Variants in PTPRD observed in about 807,000 individuals in gnomAD.
PTPRD encodes receptor-type tyrosine-protein phosphatase delta.
Under a neutral mutation model 214.5 loss-of-function variants are expected in PTPRD, and 34 were observed. That is an observed-to-expected ratio of 0.16 (90% CI 0.12 to 0.21). PTPRD has a LOEUF of 0.21. Ranked by LOEUF, PTPRD falls within the 10% of genes least tolerant of loss-of-function variation. The probability of loss-of-function intolerance (pLI) is 1.00; values close to 1 mark genes in which losing one functional copy is unlikely to be tolerated. For synonymous variants in PTPRD, 1,128 were observed against 845.7 expected (o/e 1.33, Z -5.79); for missense variants, 2,545 against 2,398.7 (o/e 1.06, Z -1.27).
chr9:9,982,481 TGTG>T, intron 4 of PTPRD, among the ~76,000 whole-genome samples: 1 of 13,788 alleles, frequency 7.3e-5, no homozygotes, highest in African/African-American at 1.8e-4. Context: ...TGGTGGTGTG[TGTG>T]TGTGTGTGTG....
At chr9:9,186,952 A>G (rs891843710) in intron 9 of PTPRD, among the ~76,000 whole-genome samples, 5 of 151,834 alleles carry the variant, frequency 3.3e-5, no homozygotes, top group Admixed American at 2.6e-4. Flanking sequence ...CTTCTGTTAT[A>G]AACTGAAATT....
At chr9:9,085,585 A>T (rs1349607052) in intron 10 of PTPRD, among the ~76,000 whole-genome samples, 1 of 151,926 alleles carries the variant, frequency 6.6e-6, no homozygotes, top group African/African-American at 2.4e-5. Context: ...AAATGGTCAC[A>T]TTAGCACTTA....
chr9:9,032,619 A>T (rs199934220), intron 10 of PTPRD, among the ~76,000 whole-genome samples: 1 of 438 alleles, frequency 2.3e-3, no homozygotes, highest in Non-Finnish European at 0.17. Flanking sequence ...TTGGTGCTAG[A>T]AAAAAAAAAT....
intron 11 of PTPRD, among the ~76,000 whole-genome samples, chr9:9,017,195 T>G (rs976403917): frequency 6.6e-6 from 1 of 152,110 alleles, no homozygotes; most frequent in Non-Finnish European, 1.5e-5. Context: ...GCAACAACCA[T>G]AAACGAACAA....
intron 11 of PTPRD, among the ~76,000 whole-genome samples, chr9:8,738,210 C>T (rs10122645): frequency 0.073 from 11,118 of 152,116 alleles, 1,085 homozygotes; most frequent in African/African-American, 0.23. Flanking sequence ...CAACAAAGAG[C>T]GCACTTGCCT....
At chr9:10,490,976 C>A (rs2040011814) in intron 2 of PTPRD, among the ~76,000 whole-genome samples, 1 of 152,116 alleles carries the variant, frequency 6.6e-6, no homozygotes, top group African/African-American at 2.4e-5. Flanking sequence ...CACATAATCA[C>A]TAGATTTACA....
intron 3 of PTPRD, among the ~76,000 whole-genome samples, chr9:10,235,429 G>A (rs1301817643): frequency 6.6e-6 from 1 of 151,962 alleles, no homozygotes; most frequent in Non-Finnish European, 1.5e-5. Context: ...ACGCTAAAGA[G>A]TATAGCTAGC....
chr9:9,331,113 C>T (rs1336450304), intron 9 of PTPRD, among the ~76,000 whole-genome samples: 1 of 151,992 alleles, frequency 6.6e-6, no homozygotes, highest in Non-Finnish European at 1.5e-5. Flanking sequence ...GAGACAGTTT[C>T]AAGGACTAGC....
At chr9:8,354,572 T>G (rs1308095085) in intron 39 of PTPRD, among the ~76,000 whole-genome samples, 5 of 152,240 alleles carry the variant, frequency 3.3e-5, no homozygotes, top group Non-Finnish European at 7.3e-5. Flanking sequence ...TTGGAGCATC[T>G]GGGCCTTTGA....
chr9:8,874,640 A>T lies in PTPRD; in HGVS notation c.-103-140694T>A, dbSNP rs72614089. On this transcript the variant is annotated intron_variant, in intron 11 of 45. Coordinates refer to ENST00000381196, the MANE Select transcript of PTPRD (RefSeq NM_002839.4). The stretch of plus-strand genomic sequence containing the variant: ...TCTCTTCCCTAATTTATCATAATGG[A>T]AATTGCATTGGAGTTGAGAGAACAT... Among the ~76,000 whole-genome samples, 220 of 152,310 alleles carry T rather than the reference A, an allele frequency of 1.4e-3. 6 individuals carry two copies. In the East Asian group the frequency reaches 0.035, roughly 24 times the overall value.
At chr9:10,513,733 T>C (rs2049056781) in intron 2 of PTPRD, among the ~76,000 whole-genome samples, 1 of 152,152 alleles carries the variant, frequency 6.6e-6, no homozygotes, top group Admixed American at 6.6e-5. Context: ...TATCTCACTG[T>C]GGCAGTAGTC....
intron 9 of PTPRD, among the ~76,000 whole-genome samples, chr9:9,215,082 G>T (rs1432957070): frequency 2.0e-5 from 3 of 152,144 alleles, no homozygotes; most frequent in Non-Finnish European, 4.4e-5. Context: ...TTCCAGTGCA[G>T]GATCAGTTTG....
At chr9:10,026,627 G>C (rs537913286) in intron 4 of PTPRD, among the ~76,000 whole-genome samples, 69 of 152,128 alleles carry the variant, frequency 4.5e-4, no homozygotes, top group Admixed American at 6.5e-4. Context: ...CCATCACAAG[G>C]GGGCATTGTT....
At position 8,974,860 on chromosome 9, in the gene PTPRD, G is replaced by A. The variant is rs549581132; in HGVS notation, c.-104+43837C>T. On this transcript the variant is annotated intron_variant, in intron 11 of 45. Transcript: ENST00000381196. Reference sequence around the variant, plus strand: ...ACCTTTAATCCCAGCACTTTGGGAGGCTGAGGCGGGTGGATCACCTGAAGT... The same window carrying A: ...ACCTTTAATCCCAGCACTTTGGGAGACTGAGGCGGGTGGATCACCTGAAGT... 8.1e-4 allele frequency among the ~76,000 whole-genome samples: 123 copies of A among 152,098 alleles called. 2 individuals carry two copies. Among genetic ancestry groups the A allele is most frequent in the Middle Eastern group, 3.4e-3 (1 of 294 alleles).
At chr9:9,627,225 T>C (rs1390833937) in intron 7 of PTPRD, among the ~76,000 whole-genome samples, 1 of 152,156 alleles carries the variant, frequency 6.6e-6, no homozygotes, top group Non-Finnish European at 1.5e-5. Flanking sequence ...GAGAATCGCT[T>C]GAATCTGAGA....
intron 2 of PTPRD, among the ~76,000 whole-genome samples, chr9:10,442,460 T>C (rs1388649792): frequency 1.3e-5 from 2 of 151,606 alleles, no homozygotes; most frequent in Non-Finnish European, 3.0e-5. Flanking sequence ...TATTGGTTTA[T>C]GTGGAGGCAT....
At chr9:8,391,553 G>A (rs982644535) in intron 36 of PTPRD, among the ~76,000 whole-genome samples, 3 of 152,154 alleles carry the variant, frequency 2.0e-5, no homozygotes, top group Non-Finnish European at 4.4e-5. Context: ...CATATCCATA[G>A]GATTTGGTTC....
At chr9:9,867,092 G>C (rs1219842464) in intron 5 of PTPRD, among the ~76,000 whole-genome samples, 1 of 152,064 alleles carries the variant, frequency 6.6e-6, no homozygotes, top group Non-Finnish European at 1.5e-5. Flanking sequence ...CAAAATCATA[G>C]AGGTTCACCT....
At chr9:9,320,498 T>A (rs767739330) in intron 9 of PTPRD, among the ~76,000 whole-genome samples, 1 of 152,148 alleles carries the variant, frequency 6.6e-6, no homozygotes. Context: ...TTATAAATGA[T>A]TGGGGAGTCC....
Sources: allele counts gnomAD v4.1 joint callset (sites outside exome capture counted in the v4.1 genomes callset), GRCh38; gene constraint gnomAD v4.1.1; transcripts MANE v1.5; gene names NCBI Gene and HGNC (gene_info 2026-07-23, HGNC 2026-07-21).